Variants in RP1 observed in about 807,000 individuals in gnomAD.
RP1 encodes the protein RP1 axonemal microtubule associated.
Under a neutral mutation model 14.8 loss-of-function variants are expected in RP1, and 16 were observed. That is an observed-to-expected ratio of 1.08 (90% CI 0.73 to 1.65). The LOEUF is 1.65. Ranked by LOEUF, RP1 falls within the 40% of genes most tolerant of loss-of-function variation. The pLI is 0.00. For missense variants in RP1, 2,631 were observed against 2,535.0 expected (o/e 1.04, Z -0.81); for synonymous variants, 876 against 883.6 (o/e 0.99, Z 0.15).
chr8:54,583,711 T>C (rs1440610621), intron 1 of RP1, among the ~76,000 whole-genome samples: 1 of 152,248 alleles, frequency 6.6e-6, no homozygotes, highest in African/African-American at 2.4e-5. Flanking sequence ...ATTCAACTTC[T>C]TCCTGGTTTA....
At chr8:54,743,524 A>G (rs1023363384) in intron 19 of RP1, among the ~76,000 whole-genome samples, 1 of 152,180 alleles carries the variant, frequency 6.6e-6, no homozygotes, top group African/African-American at 2.4e-5. Flanking sequence ...TATTCATACC[A>G]GCGTGTACTT....
chr8:54,674,669 A>G (rs1193067030), intron 8 of RP1, among the ~76,000 whole-genome samples: 1 of 152,122 alleles, frequency 6.6e-6, no homozygotes, highest in African/African-American at 2.4e-5. Context: ...AGGAATTAGG[A>G]GGTTGACAAA....
intron 8 of RP1, among the ~76,000 whole-genome samples, chr8:54,675,016 G>T (rs1361812428): frequency 2.0e-5 from 3 of 152,122 alleles, no homozygotes; most frequent in African/African-American, 7.2e-5. Flanking sequence ...AAGGACATGT[G>T]TCATCTTTTA....
chr8:54,819,681 AT>A (rs1341509065), intron 24 of RP1, among the ~76,000 whole-genome samples: 1 of 152,136 alleles, frequency 6.6e-6, no homozygotes, highest in Non-Finnish European at 1.5e-5. Flanking sequence ...TAGTATCTGC[AT>A]TAGGGGGCAC....
downstream of RP1, among the ~76,000 whole-genome samples, chr8:54,634,769 C>G (rs1255647491): frequency 6.6e-6 from 1 of 152,070 alleles, no homozygotes; most frequent in East Asian, 1.9e-4. Flanking sequence ...TAAACAATTC[C>G]CATCATGGAC....
intron 28 of RP1, among the ~76,000 whole-genome samples, chr8:54,867,824 G>C (rs943656678): frequency 5.9e-5 from 9 of 152,168 alleles, no homozygotes; most frequent in African/African-American, 1.7e-4. Flanking sequence ...GTCACATATG[G>C]CTAATTAAAT....
In RP1 at chr8:54,624,755, C is replaced by G; in HGVS notation, c.873C>G (p.Asp291Glu). ...CACATAATAATGATTGCTACTTAGA[C>G]TATTCTTTTGTTCCTGAAAAGTACT... is the stretch of plus-strand genomic sequence containing the variant. ...EKTHNNDCYLDYSFVPEKYLA... is the reference protein window; with the variant it reads ...EKTHNNDCYLEYSFVPEKYLA... Residue 291 changes from aspartate (D) to glutamate (E), a missense_variant, in exon 4 of 4, where the codon GAC becomes GAG. By Grantham distance (45) the Asp-to-Glu change is conservative. Coordinates refer to ENST00000220676, the MANE Select transcript of RP1 (RefSeq NM_006269.2). 1 of 1,613,842 alleles carries G rather than the reference C, an allele frequency of 6.2e-7. No individual in the cohort carries two copies. Among genetic ancestry groups the G allele is most frequent in the Non-Finnish European group, 8.5e-7 (1 of 1,179,814 alleles).
At chr8:54,853,771 AAAGGAAGGAAGAGAAAGAAAGAG>A (rs1164510860) in intron 26 of RP1, among the ~76,000 whole-genome samples, 523 of 130,792 alleles carry the variant, frequency 4.0e-3, no homozygotes, top group South Asian at 5.7e-3. Context: ...AAAGAAAGAG[AAAGGAAGGAAGAGAAAGAAAGAG>A]AGAGAGAAAG....
At chr8:54,823,756 A>G (rs1306641951) in intron 24 of RP1, among the ~76,000 whole-genome samples, 4 of 152,232 alleles carry the variant, frequency 2.6e-5, no homozygotes, top group Non-Finnish European at 5.9e-5. Flanking sequence ...TAAAGATGCT[A>G]AAATAAATAT....
chr8:54,799,276 C>G (rs987211194), intron 24 of RP1, among the ~76,000 whole-genome samples: 2 of 151,992 alleles, frequency 1.3e-5, no homozygotes, highest in African/African-American at 4.8e-5. Flanking sequence ...AATCCAAATA[C>G]ATTCATTCAA....
intron 6 of RP1, among the ~76,000 whole-genome samples, chr8:54,662,633 T>C (rs1806926919): frequency 6.6e-6 from 1 of 152,202 alleles, no homozygotes; most frequent in Non-Finnish European, 1.5e-5. Flanking sequence ...TCCTGCCTCC[T>C]GAACCAGAAC....
At chr8:54,835,583 T>C (rs1405501220) in intron 24 of RP1, among the ~76,000 whole-genome samples, 1 of 145,522 alleles carries the variant, frequency 6.9e-6, no homozygotes, top group African/African-American at 2.5e-5. Context: ...TTGTTATTAA[T>C]ACAAAATTCT....
At chr8:54,670,562 T>TAC (rs1231032142) in intron 7 of RP1, among the ~76,000 whole-genome samples, 3 of 131,010 alleles carry the variant, frequency 2.3e-5, no homozygotes, top group South Asian at 2.3e-4. Context: ...TGTATATATA[T>TAC]ACATATATAT....
chr8:54,637,177 T>G (rs1285662145), intron 3 of RP1, among the ~76,000 whole-genome samples: 1 of 152,202 alleles, frequency 6.6e-6, no homozygotes, highest in Non-Finnish European at 1.5e-5. Flanking sequence ...GATCAACAGA[T>G]AGAGTCTCAT....
In RP1 at chr8:54,593,973, GCTGTC is replaced by G. The variant is rs1805090709; in HGVS notation, c.-12-26980_-12-26976del. 9.9e-5 allele frequency among the ~76,000 whole-genome samples: 15 copies of G among 152,256 alleles called. 2 individuals carry two copies. Among genetic ancestry groups the G allele is most frequent in the Admixed American group, 9.2e-4 (14 of 15,282 alleles). On this transcript the variant is annotated intron_variant, in intron 1 of 22. Transcript: ENST00000636932. Reference sequence around the variant, plus strand: ...GTGGCATGTAGGTGTCCAAGGGCTTGCTGTCCAGCCCAGCAGGAAACACATCATTC... The same window carrying G: ...GTGGCATGTAGGTGTCCAAGGGCTTGCAGCCCAGCAGGAAACACATCATTC...
intron 12 of RP1, among the ~76,000 whole-genome samples, chr8:54,689,880 A>G (rs899164445): frequency 5.9e-5 from 9 of 151,986 alleles, no homozygotes; most frequent in Non-Finnish European, 1.2e-4. Context: ...CATACTTTTT[A>G]AGTTTCCAGT....
intron 1 of RP1, among the ~76,000 whole-genome samples, chr8:54,602,775 C>T (rs546735880): frequency 0.088 from 13,382 of 152,168 alleles, 1,861 homozygotes; most frequent in African/African-American, 0.3. Flanking sequence ...ATTTGCATTT[C>T]TCTGATGGCC....
In RP1 at chr8:54,642,774, T is replaced by C. The variant is rs78800767; in HGVS notation, c.788-6211T>C. ...TTAAAGAATATGTGCATTGTAAAAT[T>C]TCATAGATATTCTCAAGCTGCCATT... On this transcript the variant is annotated intron_variant, in intron 3 of 22. Transcript: ENST00000636932. Among the ~76,000 whole-genome samples the C allele has an allele frequency of 7.6e-3, 1,162 of 152,242 alleles. 19 individuals are homozygous for C. The highest frequency in any genetic ancestry group is 0.027 in the African/African-American group (1,103 of 41,570).
rs1441133432 is a variant in RP1 at position 54,626,687 on chromosome 8, T to C, written c.2805T>C (p.Ala935=). 6.2e-7 allele frequency: 1 copy of C among 1,613,976 alleles called. No homozygotes were observed. Among genetic ancestry groups the C allele is most frequent in the South Asian group, 1.1e-5 (1 of 91,082 alleles). The change falls in exon 4 of 4, where the codon GCT becomes GCC. Residue 935 remains alanine (A), a synonymous_variant. Transcript: ENST00000220676. ...CAACTTTAAAGCCTATAAAATCAGC[T>C]CCAGTATGTAGAAATGAAACGAGTG... ...PYPTLKPIKS[A]PVCRNETSVV...
Sources: gnomAD v4.1 joint callset for allele counts (sites outside exome capture counted in the v4.1 genomes callset) on GRCh38, gnomAD v4.1.1 for gene constraint, MANE v1.5 for transcripts, NCBI Gene and HGNC (gene_info 2026-07-23, HGNC 2026-07-21) for gene names.